The following SPAST variants were observed in gnomAD, a reference collection of about 807,000 sequenced individuals.
The protein encoded by SPAST is spastin, also known as spastic paraplegia 4 (autosomal dominant; spastin).
SPAST carries 30 observed loss-of-function variants against 76.6 expected under a neutral mutation model. The ratio of observed to expected loss-of-function variants is 0.39; its 90% CI spans 0.29 to 0.53. The LOEUF (loss-of-function observed/expected upper bound fraction) is 0.53, where lower values mean the gene tolerates loss of function less well. Ranked by LOEUF, SPAST falls within the 20% of genes least tolerant of loss-of-function variation. The pLI is 0.68. For missense variants in SPAST, 717 were observed against 770.5 expected (o/e 0.93, Z 0.82); for synonymous variants, 305 against 281.0 (o/e 1.09, Z -0.86).
chr2:32,121,816 T>C (rs1044831949), intron 7 of SPAST, among the ~76,000 whole-genome samples: 6 of 152,230 alleles, frequency 3.9e-5, no homozygotes, highest in Admixed American at 3.9e-4. Context: ...AGTGCTGGGA[T>C]TACAGGCATG....
At position 32,115,824 on chromosome 2, in the gene SPAST, A is replaced by T. The variant is rs1340622187; in HGVS notation, c.993A>T (p.Glu331Asp). 1 of 1,608,190 alleles carries T rather than the reference A, an allele frequency of 6.2e-7. No homozygotes were observed. The change falls in exon 6 of 17, where the codon GAA (glutamate) becomes GAT (aspartate). Residue 331 changes from glutamate (E) to aspartate (D), a missense_variant. Coordinates refer to ENST00000315285, the MANE Select transcript of SPAST (RefSeq NM_014946.4). ...DSNLANLIMN[E>D]IVDNGTAVKF... ...ACCTTGCTAACCTTATAATGAATGA[A>T]ATTGTGGACAAGTAAGTTTTGCCAT...
chr2:32,067,142 A>G (rs779933121), intron 1 of SPAST, among the ~76,000 whole-genome samples: 2 of 151,986 alleles, frequency 1.3e-5, no homozygotes, highest in East Asian at 1.9e-4. Flanking sequence ...GCTCACTGCA[A>G]CCTCTGCCTC....
chr2:32,087,177 A>AGT (rs1677516194), intron 1 of SPAST, among the ~76,000 whole-genome samples: 1 of 152,216 alleles, frequency 6.6e-6, no homozygotes. Flanking sequence ...ATTTTTCAAA[A>AGT]GTATATATAC....
intron 9 of SPAST, among the ~76,000 whole-genome samples, chr2:32,136,094 A>C (rs1014819363): frequency 6.6e-6 from 1 of 152,138 alleles, no homozygotes; most frequent in Non-Finnish European, 1.5e-5. Flanking sequence ...AAAAAGGAAA[A>C]AAAAAAAAGA....
Position 32,143,889 on chromosome 2 carries a change from A to G in SPAST, c.1616+474A>G, listed in dbSNP as rs182998349. Among the ~76,000 whole-genome samples, 8 of 152,334 alleles carry G rather than the reference A, an allele frequency of 5.3e-5. No individual in the cohort carries two copies. In the East Asian group the frequency reaches 1.3e-3, roughly 26 times the overall value. ...TCTCAAAAAAAATTTTAAACATTTC[A>G]TATTGCACACTAACACAGATATTTT... On this transcript the variant is annotated intron_variant, in intron 14 of 16. Coordinates refer to ENST00000315285, the MANE Select transcript of SPAST (RefSeq NM_014946.4).
rs1241141624 is a variant in SPAST, at chr2:32,063,764, C to A, written c.-68C>A. The A allele has an allele frequency of 4.6e-6, 7 of 1,525,298 alleles. No individual in the cohort carries two copies. The highest frequency in any genetic ancestry group is 5.3e-6 in the Non-Finnish European group (6 of 1,141,930). The allele number at this position is 1,525,298 out of a possible 1,614,324, so 94.5% of individuals were successfully genotyped here. The stretch of plus-strand genomic sequence containing the variant: ...TGGCCCCCGCCGTAGCAGTGGCTGC[C>A]GCCGTCGCTTGGTTCCCGTCGGTCT... On this transcript the variant is annotated 5_prime_UTR_variant, in exon 1 of 17. Transcript: ENST00000315285.
At chr2:32,068,936 G>A (rs1369548971) in intron 1 of SPAST, among the ~76,000 whole-genome samples, 1 of 151,676 alleles carries the variant, frequency 6.6e-6, no homozygotes, top group Non-Finnish European at 1.5e-5. Context: ...CAAGCCGGGT[G>A]CAGTGGCCCA....
intron 2 of SPAST, 116 bp downstream of exon 2, chr2:32,087,694 C>CTTTTTTTT (rs770566493): frequency 2.8e-4 from 53 of 186,236 alleles, no homozygotes; most frequent in South Asian, 8.3e-4. Context: ...CTTTTCTTTT[C>CTTTTTTTT]TTTTTTTTTT....
At chr2:32,087,457 C>A in intron 1 of SPAST, 35 bp from the exon 2 acceptor site, 2 of 1,314,202 alleles carry the variant, frequency 1.5e-6, no homozygotes, top group South Asian at 1.2e-5. Context: ...GTGTACTCTT[C>A]ATACGATCTA....
intron 4 of SPAST, among the ~76,000 whole-genome samples, chr2:32,110,013 A>G (rs1558319094): frequency 6.7e-6 from 1 of 148,524 alleles, no homozygotes; most frequent in African/African-American, 2.5e-5. Context: ...CAAAATAACT[A>G]TGTATATATA....
At chr2:32,118,884 C>A (rs892852245) in intron 7 of SPAST, among the ~76,000 whole-genome samples, 1 of 152,102 alleles carries the variant, frequency 6.6e-6, no homozygotes, top group Non-Finnish European at 1.5e-5. Context: ...TTTTGCTTTA[C>A]CCAGGCCTAT....
Position 32,086,033 on chromosome 2 carries a change from C to T in SPAST, c.416-1459C>T, listed in dbSNP as rs200835071. Among the ~76,000 whole-genome samples the T allele has an allele frequency of 2.9e-4, 40 of 139,316 alleles. No individual in the cohort carries two copies. In the East Asian group the frequency reaches 9.3e-3, roughly 32 times the overall value. 91.4% of individuals were successfully genotyped at this position (139,316 alleles called of 152,430 possible). A position where few individuals can be genotyped will look rare whatever the true frequency, so the allele number is the denominator to read the frequency against. ...CTGCAGCCTGGGCTACAGAGAGAGA[C>T]TCCATCTAAATAAATAAATAAATAA... On this transcript the variant is annotated intron_variant, in intron 1 of 16. Coordinates refer to ENST00000315285, the MANE Select transcript of SPAST (RefSeq NM_014946.4).
rs1676616206 is a variant in SPAST, at chr2:32,068,478, CA to C, written c.415+4233del. The stretch of plus-strand genomic sequence containing the variant: ...CTGGGATTACAGGCATGTGCCACCC[CA>C]CACCCAGCCAATTTTTGTATTTTTA... On this transcript the variant is annotated intron_variant, in intron 1 of 16. Transcript: ENST00000315285. 2.6e-5 allele frequency among the ~76,000 whole-genome samples: 4 copies of C among 152,076 alleles called. No homozygotes were observed. The South Asian group carries it at 8.3e-4, about 32-fold the overall frequency.
chr2:32,071,267 G>A (rs1676739489), intron 1 of SPAST, among the ~76,000 whole-genome samples: 1 of 152,078 alleles, frequency 6.6e-6, no homozygotes, highest in Admixed American at 6.6e-5. Context: ...GATATTCTAG[G>A]GCTAAAGGAT....
At chr2:32,143,803 T>C (rs533118943) in intron 14 of SPAST, among the ~76,000 whole-genome samples, 2 of 151,534 alleles carry the variant, frequency 1.3e-5, no homozygotes, top group East Asian at 3.9e-4. Flanking sequence ...ACTTGGGAGG[T>C]TGATGTGGGA....
At chr2:32,092,372 G>T (rs1677756318) in intron 3 of SPAST, among the ~76,000 whole-genome samples, 1 of 152,158 alleles carries the variant, frequency 6.6e-6, no homozygotes, top group Non-Finnish European at 1.5e-5. Context: ...GCTTTTCAGT[G>T]TATATATAAA....
intron 1 of SPAST, among the ~76,000 whole-genome samples, chr2:32,079,810 G>A (rs143670745): frequency 1.3e-5 from 2 of 152,098 alleles, no homozygotes; most frequent in African/African-American, 4.8e-5. Flanking sequence ...CTTTTGCCTC[G>A]GCATGAGCCA....
Position 32,147,231 on chromosome 2 carries a change from A to G in SPAST, c.1701A>G (p.Glu567=), listed in dbSNP as rs1159162053. 6.2e-7 allele frequency: 1 copy of G among 1,608,920 alleles called. No homozygotes were observed. Among genetic ancestry groups the G allele is most frequent in the Admixed American group, 1.7e-5 (1 of 59,996 alleles). The change falls in exon 16 of 17, where the codon GAA becomes GAG. Residue 567 remains glutamate (E), a synonymous_variant. Transcript: ENST00000315285. ...ALGPIRELKP[E]QVKNMSASEM... ...TATGTTTTACAGAACTAAAACCAGAACAGGTGAAGAATATGTCTGCCAGTG... is the reference window on the plus strand; with the variant it reads ...TATGTTTTACAGAACTAAAACCAGAGCAGGTGAAGAATATGTCTGCCAGTG...
At chr2:32,107,341 C>T (rs967427793) in intron 4 of SPAST, among the ~76,000 whole-genome samples, 3 of 152,102 alleles carry the variant, frequency 2.0e-5, no homozygotes, top group African/African-American at 7.2e-5. Context: ...AACCCCATCC[C>T]TGTGGGTTCA....
Sources: allele counts gnomAD v4.1 joint callset (sites outside exome capture counted in the v4.1 genomes callset), GRCh38; gene constraint gnomAD v4.1.1; transcripts MANE v1.5; gene names NCBI Gene and HGNC (gene_info 2026-07-23, HGNC 2026-07-21).